PLA2G4A: variants seen among roughly 807,000 people sequenced by gnomAD.
PLA2G4A encodes phospholipase A2 group IVA.
A neutral mutation model predicts 81.9 loss-of-function variants in PLA2G4A; 40 were observed. The observed-to-expected ratio is 0.49, with a 90% CI of 0.38 to 0.64. The LOEUF (loss-of-function observed/expected upper bound fraction) is 0.64. Ranked by LOEUF, PLA2G4A falls within the 30% of genes least tolerant of loss-of-function variation. PLA2G4A has a pLI of 0.00. For missense variants in PLA2G4A, 715 were observed against 905.1 expected (o/e 0.79, Z 2.69); for synonymous variants, 302 against 296.9 (o/e 1.02, Z -0.18).
intron 15 of PLA2G4A, among the ~76,000 whole-genome samples, chr1:186,967,049 A>G (rs569484521): frequency 1.3e-5 from 2 of 152,294 alleles, no homozygotes; most frequent in East Asian, 3.9e-4. Context: ...GGCAATTCAT[A>G]ATAATTAAAT....
intron 7 of PLA2G4A, among the ~76,000 whole-genome samples, chr1:186,924,807 C>T (rs921055303): frequency 1.3e-5 from 2 of 152,178 alleles, no homozygotes; most frequent in East Asian, 1.9e-4. Context: ...GTTGCTCTCA[C>T]CTGTAATCCC....
At chr1:186,837,108 G>T (rs1454459414) in intron 1 of PLA2G4A, among the ~76,000 whole-genome samples, 1 of 152,194 alleles carries the variant, frequency 6.6e-6, no homozygotes, top group Non-Finnish European at 1.5e-5. Flanking sequence ...GCAAAGGAGG[G>T]AAAGTGGTTC....
intron 1 of PLA2G4A, among the ~76,000 whole-genome samples, chr1:186,841,285 GTTAT>G (rs1651970753): frequency 6.6e-6 from 1 of 152,158 alleles, no homozygotes; most frequent in South Asian, 2.1e-4. Flanking sequence ...GAGAAATTCA[GTTAT>G]TTGTTTTCCT....
chr1:186,871,882 G>C (rs1196443138), intron 3 of PLA2G4A, among the ~76,000 whole-genome samples: 1 of 152,050 alleles, frequency 6.6e-6, no homozygotes, highest in Admixed American at 6.6e-5. Context: ...CAAAGAACAG[G>C]AGGGACTTCA....
chr1:186,839,965 C>CTTTT (rs61704569), intron 1 of PLA2G4A, among the ~76,000 whole-genome samples: 16 of 75,052 alleles, frequency 2.1e-4, no homozygotes, highest in East Asian at 4.6e-4. Context: ...TAATTGACTT[C>CTTTT]TTTTTTTTTT....
chr1:186,881,848 T>G (rs1653746385), intron 3 of PLA2G4A, among the ~76,000 whole-genome samples: 1 of 152,004 alleles, frequency 6.6e-6, no homozygotes, highest in African/African-American at 2.4e-5. Context: ...TCGGTTAGGG[T>G]CAGTCCATCA....
chr1:186,853,541 A>G (rs968173862), intron 1 of PLA2G4A, among the ~76,000 whole-genome samples: 1 of 151,970 alleles, frequency 6.6e-6, no homozygotes, highest in Non-Finnish European at 1.5e-5. Flanking sequence ...TAATAAAGAT[A>G]TTTGAAAAGG....
chr1:186,925,728 A>T (rs1208805771), intron 7 of PLA2G4A, among the ~76,000 whole-genome samples: 1 of 152,144 alleles, frequency 6.6e-6, no homozygotes, highest in Admixed American at 6.5e-5. Flanking sequence ...TCTCTCAGTT[A>T]TGCTCTCTTA....
At chr1:186,929,532 C>A (rs1477934020) in intron 7 of PLA2G4A, among the ~76,000 whole-genome samples, 14 of 152,156 alleles carry the variant, frequency 9.2e-5, no homozygotes, top group Non-Finnish European at 5.9e-5. Context: ...ATCAATATAT[C>A]AAGATCAATA....
Position 186,873,916 on chromosome 1 carries a change from G to A in PLA2G4A, c.115+3400G>A, listed in dbSNP as rs534965197. Among the ~76,000 whole-genome samples, 3 of 152,172 alleles carry A rather than the reference G, an allele frequency of 2.0e-5. No individual in the cohort carries two copies. The South Asian group carries it at 6.2e-4, about 32-fold the overall frequency. On this transcript the variant is annotated intron_variant, in intron 3 of 17. Transcript: ENST00000367466. ...CTCAAATGCAGCATTTATACCCAGT[G>A]CTCTAGTGATGACTCCTTCTGCATT... is the stretch of plus-strand genomic sequence containing the variant.
At chr1:186,960,691 G>A (rs1656912271) in intron 14 of PLA2G4A, among the ~76,000 whole-genome samples, 1 of 152,102 alleles carries the variant, frequency 6.6e-6, no homozygotes, top group Non-Finnish European at 1.5e-5. Context: ...ATCTCAGTTG[G>A]ACCCTTTACT....
At chr1:186,915,842 C>T (rs1429010775) in intron 7 of PLA2G4A, among the ~76,000 whole-genome samples, 1 of 152,076 alleles carries the variant, frequency 6.6e-6, no homozygotes, top group African/African-American at 2.4e-5. Flanking sequence ...AGTCATCCTA[C>T]GGGGTGAGTG....
Position 186,911,237 on chromosome 1 carries a change from T to C in PLA2G4A, c.417-11T>C, listed in dbSNP as rs1654929116. 1.9e-6 allele frequency: 3 copies of C among 1,612,526 alleles called. No individual in the cohort carries two copies. The highest frequency in any genetic ancestry group is 8.5e-7 in the Non-Finnish European group (1 of 1,178,554). On this transcript the variant is annotated splice_polypyrimidine_tract_variant and intron_variant, in intron 6 of 17. Transcript: ENST00000367466. ...GCACTGGCTCATGACTTTATCTGTTTGGTATTACAGCTCATGCCCAGACCT... is the reference window on the plus strand; with the variant it reads ...GCACTGGCTCATGACTTTATCTGTTCGGTATTACAGCTCATGCCCAGACCT...
At chr1:186,915,755 T>C (rs909462292) in intron 7 of PLA2G4A, among the ~76,000 whole-genome samples, 1 of 152,108 alleles carries the variant, frequency 6.6e-6, no homozygotes, top group African/African-American at 2.4e-5. Context: ...CTAAATGGAT[T>C]CCTCTCTGTG....
chr1:186,943,950 T>C (rs566290517), intron 10 of PLA2G4A, among the ~76,000 whole-genome samples: 42 of 152,230 alleles, frequency 2.8e-4, no homozygotes, highest in African/African-American at 1.0e-3. Context: ...AAAAACAGAA[T>C]GGAAAGGAAT....
At chr1:186,974,776 T>C (rs761234000) in intron 15 of PLA2G4A, among the ~76,000 whole-genome samples, 6 of 152,238 alleles carry the variant, frequency 3.9e-5, no homozygotes, top group Non-Finnish European at 2.9e-5. Context: ...TTACTCATAG[T>C]CTGTGTCATT....
chr1:186,855,920 C>T (rs1304967351), intron 2 of PLA2G4A, among the ~76,000 whole-genome samples: 1 of 152,026 alleles, frequency 6.6e-6, no homozygotes, highest in East Asian at 1.9e-4. Flanking sequence ...ACTAATCTAT[C>T]CTAATTTCTG....
At chr1:186,872,752 T>C (rs541297158) in intron 3 of PLA2G4A, among the ~76,000 whole-genome samples, 1 of 152,236 alleles carries the variant, frequency 6.6e-6, no homozygotes, top group Non-Finnish European at 1.5e-5. Flanking sequence ...TCTCTTTGAA[T>C]TGATATTGAT....
At chr1:186,963,047 A>G (rs1657015082) in intron 14 of PLA2G4A, among the ~76,000 whole-genome samples, 1 of 152,118 alleles carries the variant, frequency 6.6e-6, no homozygotes, top group African/African-American at 2.4e-5. Flanking sequence ...TTGTTTCCTT[A>G]TCTTTAAAAT....
Sources: allele counts gnomAD v4.1 joint callset (sites outside exome capture counted in the v4.1 genomes callset), GRCh38; gene constraint gnomAD v4.1.1; transcripts MANE v1.5; gene names NCBI Gene and HGNC (gene_info 2026-07-23, HGNC 2026-07-21).